NKAIN3: variants seen among roughly 807,000 people sequenced by gnomAD.
NKAIN3 encodes the protein sodium/potassium transporting ATPase interacting 3, also known as sodium/potassium-transporting ATPase subunit beta-1-interacting protein 3.
NKAIN3 carries 25 observed loss-of-function variants against 30.2 expected under a neutral mutation model. The observed-to-expected ratio is 0.83, with a 90% CI of 0.60 to 1.16. NKAIN3 has a LOEUF of 1.16. NKAIN3 is among the 50% of genes most tolerant of loss of function. The pLI is 0.00. For missense variants in NKAIN3, 225 were observed against 254.1 expected (o/e 0.89, Z 0.78); for synonymous variants, 91 against 89.6 (o/e 1.02, Z -0.09).
intron 1 of NKAIN3, among the ~76,000 whole-genome samples, chr8:62,287,648 T>C (rs547097908): frequency 1.0e-3 from 153 of 152,244 alleles, no homozygotes; most frequent in African/African-American, 3.5e-3. Flanking sequence ...ACCTACTAAA[T>C]GTAAAATAAA....
chr8:62,850,407 C>T (rs1228818528), intron 4 of NKAIN3, among the ~76,000 whole-genome samples: 13 of 151,954 alleles, frequency 8.6e-5, no homozygotes, highest in African/African-American at 3.1e-4. Context: ...CTGTAGGCTG[C>T]CTGTTCACTC....
chr8:62,783,833 G>A (rs1011431476), intron 4 of NKAIN3, among the ~76,000 whole-genome samples: 4 of 151,624 alleles, frequency 2.6e-5, no homozygotes, highest in Admixed American at 2.6e-4. Flanking sequence ...TTTTTTGTTT[G>A]TTTGTTTCAC....
chr8:62,299,355 C>T (rs1301822263), intron 1 of NKAIN3, among the ~76,000 whole-genome samples: 1 of 152,040 alleles, frequency 6.6e-6, no homozygotes, highest in African/African-American at 2.4e-5. Flanking sequence ...GGGTCTGTTT[C>T]ACAGTAATGG....
chr8:62,494,444 A>G (rs1807171515), intron 1 of NKAIN3, among the ~76,000 whole-genome samples: 1 of 152,270 alleles, frequency 6.6e-6, no homozygotes, highest in Non-Finnish European at 1.5e-5. Context: ...GGATTTTTGC[A>G]TCAATGTTCA....
chr8:62,454,095 G>A (rs4738974), intron 1 of NKAIN3, among the ~76,000 whole-genome samples: 25,546 of 151,256 alleles, frequency 0.17, 2,263 homozygotes, highest in Middle Eastern at 0.19. Flanking sequence ...TTCAGATATG[G>A]CATGACTTGC....
intron 5 of NKAIN3, among the ~76,000 whole-genome samples, chr8:62,947,659 A>G (rs1490712616): frequency 1.3e-5 from 2 of 152,316 alleles, no homozygotes; most frequent in African/African-American, 2.4e-5. Flanking sequence ...AGGCCAGATC[A>G]TAGAAGGCGA....
intron 5 of NKAIN3, among the ~76,000 whole-genome samples, chr8:62,922,218 G>A (rs186404895): frequency 6.6e-5 from 10 of 152,130 alleles, no homozygotes; most frequent in Admixed American, 2.0e-4. Flanking sequence ...CGTAACTATC[G>A]GAAAAACATT....
In NKAIN3 at chr8:62,383,273, A is replaced by G. The variant is rs113371335; in HGVS notation, c.54+134146A>G. Among the ~76,000 whole-genome samples, 303 of 152,236 alleles carry G rather than the reference A, an allele frequency of 2.0e-3. 2 individuals are homozygous for G. Among genetic ancestry groups the G allele is most frequent in the African/African-American group, 7.0e-3 (289 of 41,550 alleles). ...ATTCTCATTGTTTAGGCCTTTTTGT[A>G]TGACCAAAAGACTGGAAGCTGGTGT... On this transcript the variant is annotated intron_variant, in intron 1 of 6. Transcript: ENST00000623646.
intron 5 of NKAIN3, among the ~76,000 whole-genome samples, chr8:62,930,091 G>C (rs1822570738): frequency 6.6e-6 from 1 of 152,106 alleles, no homozygotes; most frequent in African/African-American, 2.4e-5. Flanking sequence ...ATATTTTTAA[G>C]TGTACAACTC....
chr8:62,750,189 C>T (rs1303903446), intron 4 of NKAIN3, among the ~76,000 whole-genome samples: 1 of 152,004 alleles, frequency 6.6e-6, no homozygotes, highest in East Asian at 1.9e-4. Context: ...TTACCCCTTT[C>T]ATTACTGGAG....
intron 1 of NKAIN3, among the ~76,000 whole-genome samples, chr8:62,503,304 G>A (rs569588662): frequency 1.3e-5 from 2 of 152,298 alleles, no homozygotes; most frequent in African/African-American, 4.8e-5. Context: ...TTCAAAAGAG[G>A]AGGGGGTGTA....
chr8:62,855,479 T>C, intron 4 of NKAIN3: 2 of 1,358,830 alleles, frequency 1.5e-6, no homozygotes, highest in Non-Finnish European at 2.1e-6. Flanking sequence ...TTCATTATTT[T>C]GTTTTCTCTT....
chr8:62,259,985 A>G (rs932877603), intron 1 of NKAIN3, among the ~76,000 whole-genome samples: 1 of 152,118 alleles, frequency 6.6e-6, no homozygotes, highest in Non-Finnish European at 1.5e-5. Flanking sequence ...TGTTAATGAT[A>G]TTATTCATTT....
At chr8:62,808,457 C>T (rs1818375862) in intron 4 of NKAIN3, among the ~76,000 whole-genome samples, 1 of 152,144 alleles carries the variant, frequency 6.6e-6, no homozygotes, top group Admixed American at 6.6e-5. Context: ...TAAGCATTCC[C>T]TATCAGGGGA....
chr8:62,466,093 T>C (rs117407660), intron 1 of NKAIN3, among the ~76,000 whole-genome samples: 2,535 of 152,174 alleles, frequency 0.017, 38 homozygotes, highest in Non-Finnish European at 0.027. Context: ...GGTTTCTAGA[T>C]TGGGTGAATC....
chr8:62,923,888 C>T (rs1244764319), intron 5 of NKAIN3, among the ~76,000 whole-genome samples: 1 of 152,170 alleles, frequency 6.6e-6, no homozygotes, highest in African/African-American at 2.4e-5. Context: ...CTGAGACAGA[C>T]TCTCTCTCAA....
At chr8:62,717,857 G>A (rs532791442) in intron 3 of NKAIN3, among the ~76,000 whole-genome samples, 26 of 152,220 alleles carry the variant, frequency 1.7e-4, no homozygotes, top group South Asian at 6.2e-4. Context: ...ATTTCTTAGC[G>A]TCCTTAACCA....
At chr8:62,548,456 C>A (rs531091883) in intron 1 of NKAIN3, among the ~76,000 whole-genome samples, 1 of 152,128 alleles carries the variant, frequency 6.6e-6, no homozygotes, top group African/African-American at 2.4e-5. Context: ...TACAGAGCCA[C>A]GGCTCCCCCT....
At chr8:62,511,257 G>A (rs777518813) in intron 1 of NKAIN3, among the ~76,000 whole-genome samples, 4 of 152,058 alleles carry the variant, frequency 2.6e-5, no homozygotes, top group South Asian at 2.1e-4. Flanking sequence ...AGTTCCTACC[G>A]CCTTCCGCGG....
Sources: allele counts gnomAD v4.1 joint callset (sites outside exome capture counted in the v4.1 genomes callset), GRCh38; gene constraint gnomAD v4.1.1; transcripts MANE v1.5; gene names NCBI Gene and HGNC (gene_info 2026-07-23, HGNC 2026-07-21).